The following TRPM3 variants were observed in gnomAD, a reference collection of about 807,000 sequenced individuals.
TRPM3 encodes transient receptor potential cation channel subfamily M member 3.
In TRPM3, 77 loss-of-function variants were observed where a neutral mutation model predicts 181.2. The observed-to-expected ratio is 0.42, with a 90% CI of 0.35 to 0.51. TRPM3 has a LOEUF of 0.51. TRPM3 is among the 20% of genes least tolerant of loss of function. TRPM3 has a pLI of 0.01. For synonymous variants in TRPM3, 745 were observed against 796.4 expected (o/e 0.94, Z 1.09); for missense variants, 1,759 against 2,196.7 (o/e 0.80, Z 3.98).
At chr9:71,382,099 T>C (rs1236803443) in intron 1 of TRPM3, among the ~76,000 whole-genome samples, 1 of 152,210 alleles carries the variant, frequency 6.6e-6, no homozygotes, top group Non-Finnish European at 1.5e-5. Context: ...AGAACATGGC[T>C]TTAGTGTTAG....
chr9:70,959,998 C>A (rs1420868524), intron 1 of TRPM3, among the ~76,000 whole-genome samples: 3 of 152,074 alleles, frequency 2.0e-5, no homozygotes, highest in South Asian at 2.1e-4. Flanking sequence ...AGGGCTTATT[C>A]TTTTCTGAAC....
chr9:71,188,588 G>A (rs79828672), intron 1 of TRPM3, among the ~76,000 whole-genome samples: 1,637 of 151,928 alleles, frequency 0.011, 27 homozygotes, highest in East Asian at 0.073. Context: ...AGAACCTTGG[G>A]AGACAGGGTT....
chr9:70,697,826 C>T (rs2071041905), intron 8 of TRPM3, among the ~76,000 whole-genome samples: 1 of 152,164 alleles, frequency 6.6e-6, no homozygotes, highest in Admixed American at 6.5e-5. Context: ...TTGTCTCCTC[C>T]TTTACATTAA....
At chr9:71,248,738 T>C (rs10868996) in intron 1 of TRPM3, among the ~76,000 whole-genome samples, 65,217 of 151,896 alleles carry the variant, frequency 0.43, 14,381 homozygotes, top group East Asian at 0.52. Flanking sequence ...TGGTGTGTTA[T>C]AATGTACGTC....
intron 1 of TRPM3, among the ~76,000 whole-genome samples, chr9:71,032,650 T>C (rs1051549565): frequency 7.9e-5 from 12 of 152,180 alleles, no homozygotes; most frequent in African/African-American, 2.2e-4. Flanking sequence ...ATTGTTTCAA[T>C]AAGAACTTAA....
intron 1 of TRPM3, among the ~76,000 whole-genome samples, chr9:71,035,977 A>T (rs17056185): frequency 0.063 from 8,791 of 138,534 alleles, 397 homozygotes; most frequent in Admixed American, 0.14. Context: ...TGATGCAAAC[A>T]TAGGCTTTTT....
intron 22 of TRPM3, among the ~76,000 whole-genome samples, chr9:70,561,808 T>A (rs1450692486): frequency 6.6e-6 from 1 of 152,190 alleles, no homozygotes; most frequent in African/African-American, 2.4e-5. Context: ...AAGTCCAAGA[T>A]GGCTTTAGGA....
chr9:70,585,461 C>T (rs2056922165), intron 22 of TRPM3, among the ~76,000 whole-genome samples: 1 of 152,144 alleles, frequency 6.6e-6, no homozygotes, highest in African/African-American at 2.4e-5. Context: ...AAATAGCCTT[C>T]TTCATGGTTT....
intron 25 of TRPM3, among the ~76,000 whole-genome samples, chr9:70,538,181 C>T (rs1040889237): frequency 2.6e-5 from 4 of 152,230 alleles, no homozygotes; most frequent in Non-Finnish European, 5.9e-5. Flanking sequence ...AATTCTTCTA[C>T]TCCTCTCTCT....
At chr9:70,758,235 T>C (rs1322105306) in intron 8 of TRPM3, among the ~76,000 whole-genome samples, 1 of 152,032 alleles carries the variant, frequency 6.6e-6, no homozygotes, top group Non-Finnish European at 1.5e-5. Context: ...TCACAATTGC[T>C]ACAAAGAGAA....
At chr9:71,309,969 G>A (rs1565448504) in intron 1 of TRPM3, among the ~76,000 whole-genome samples, 1 of 151,890 alleles carries the variant, frequency 6.6e-6, no homozygotes, top group African/African-American at 2.4e-5. Context: ...ACACATCTTT[G>A]GAAAGAACTA....
At chr9:70,915,827 G>C (rs956912466) in intron 1 of TRPM3, among the ~76,000 whole-genome samples, 2 of 152,082 alleles carry the variant, frequency 1.3e-5, no homozygotes, top group East Asian at 3.9e-4. Context: ...TATTGAAAGG[G>C]ATAATAACAT....
At chr9:71,379,685 C>A (rs1256435691) in intron 1 of TRPM3, among the ~76,000 whole-genome samples, 3 of 142,112 alleles carry the variant, frequency 2.1e-5, no homozygotes, top group Non-Finnish European at 4.8e-5. Context: ...AATTTTTTTT[C>A]TTTCCCAGAA....
At chr9:71,437,791 C>T (rs540727798) in intron 1 of TRPM3, among the ~76,000 whole-genome samples, 1 of 151,366 alleles carries the variant, frequency 6.6e-6, no homozygotes, top group Non-Finnish European at 1.5e-5. Flanking sequence ...TCACTTGAAC[C>T]CAGGGGGCGG....
intron 1 of TRPM3, among the ~76,000 whole-genome samples, chr9:71,439,587 C>T (rs2094103986): frequency 6.6e-6 from 1 of 152,046 alleles, no homozygotes; most frequent in South Asian, 2.1e-4. Context: ...AGCACTACTC[C>T]CCTGCTGCCC....
intron 1 of TRPM3, among the ~76,000 whole-genome samples, chr9:70,869,518 T>A (rs1337841954): frequency 6.6e-6 from 1 of 151,956 alleles, no homozygotes; most frequent in Non-Finnish European, 1.5e-5. Context: ...CCCCAAAGAA[T>A]GGAATGGTAG....
intron 9 of TRPM3, among the ~76,000 whole-genome samples, chr9:70,646,139 G>A (rs2058803424): frequency 6.6e-6 from 1 of 152,230 alleles, no homozygotes; most frequent in African/African-American, 2.4e-5. Flanking sequence ...GTGTAAATTA[G>A]TTCAACCATT....
rs549955231 is a variant in TRPM3, at chr9:70,674,469, G to A, written c.1345+7037C>T. Among the ~76,000 whole-genome samples the A allele has an allele frequency of 2.6e-5, 4 of 152,296 alleles. No individual in the cohort carries two copies. The South Asian group carries it at 8.3e-4, about 32-fold the overall frequency. On this transcript the variant is annotated intron_variant, in intron 9 of 25. Coordinates refer to ENST00000677713, the MANE Select transcript of TRPM3 (RefSeq NM_001366145.2). ...GCAGCAAGGCCAATTGCTTATTGAT[G>A]TTAGTGAAGGTTGGTGATAGTAACT... is the stretch of plus-strand genomic sequence containing the variant.
At position 71,216,937 on chromosome 9, in the gene TRPM3, C is replaced by CTTT. The variant is rs10536771; in HGVS notation, c.183+229713_183+229715dup. On this transcript the variant is annotated intron_variant, in intron 1 of 24. Transcript: ENST00000357533. Reference sequence around the variant, plus strand: ...GCACAAGCATAGTCAGTGGCCCTTTCTTTTTTTTTTTTTTTTTTTTTTTTT... The same window carrying CTTT: ...GCACAAGCATAGTCAGTGGCCCTTTCTTTTTTTTTTTTTTTTTTTTTTTTTTTT... Among the ~76,000 whole-genome samples, 288 of 73,012 alleles carry CTTT rather than the reference C, an allele frequency of 3.9e-3. 10 individuals are homozygous for CTTT. Among genetic ancestry groups the CTTT allele is most frequent in the African/African-American group, 8.2e-3 (143 of 17,348 alleles). The allele number at this position is 73,012 out of a possible 152,430, so 47.9% of individuals were successfully genotyped here.
Sources: allele counts gnomAD v4.1 joint callset (sites outside exome capture counted in the v4.1 genomes callset), GRCh38; gene constraint gnomAD v4.1.1; transcripts MANE v1.5; gene names NCBI Gene and HGNC (gene_info 2026-07-23, HGNC 2026-07-21).